Variants in SRRD observed in about 807,000 individuals in gnomAD.
The protein encoded by SRRD is SRR1-like protein.
In SRRD, 28 loss-of-function variants were observed where a neutral mutation model predicts 30.7. The observed-to-expected ratio is 0.91, with a 90% CI of 0.68 to 1.25. The LOEUF (loss-of-function observed/expected upper bound fraction) is 1.25. Ranked by LOEUF, SRRD falls within the 50% of genes most tolerant of loss-of-function variation. SRRD has a pLI of 0.00. For missense variants in SRRD, 415 were observed against 417.3 expected (o/e 0.99, Z 0.05); for synonymous variants, 161 against 159.6 (o/e 1.01, Z -0.07).
rs192906213 is a variant in SRRD, at chr22:26,490,001, T to C, written c.610-43T>C. The C allele has an allele frequency of 1.9e-4, 307 of 1,608,274 alleles. No homozygotes were observed. In the East Asian group the frequency reaches 5.4e-3, roughly 29 times the overall value. ...CTCTCCCTCACCTTGCTGTAAAGAA[T>C]AGGTTGTGGGCATGTTTACACCTGT... On this transcript the variant is annotated intron_variant, in intron 4 of 6. Coordinates refer to ENST00000215917, the MANE Select transcript of SRRD (RefSeq NM_001013694.3).
chr22:26,494,584 G>C lies in SRRD; in HGVS notation c.*2912G>C. 3 of 755,130 alleles carry C rather than the reference G, an allele frequency of 4.0e-6. No homozygotes were observed. Among genetic ancestry groups the C allele is most frequent in the Non-Finnish European group, 6.3e-6 (3 of 477,272 alleles). The allele number at this position is 755,130 out of a possible 1,614,324, so 46.8% of individuals were successfully genotyped here. On this transcript the variant is annotated 3_prime_UTR_variant, in exon 7 of 7. Transcript: ENST00000215917. Reference sequence around the variant, plus strand: ...CCCCATAGGGTTGCTGAGAGGAGCTGAGATAAAGCAAATAAAGTGCTTGGA... The same window carrying C: ...CCCCATAGGGTTGCTGAGAGGAGCTCAGATAAAGCAAATAAAGTGCTTGGA...
Position 26,488,092 on chromosome 22 carries a change from C to T in SRRD, c.314C>T (p.Ser105Leu). ...CTGAAGGCCCCTGTGGGGACTCTTT[C>T]AGACATCTTTGGAAACCTGCATCTT... is the stretch of plus-strand genomic sequence containing the variant. ...EQLKAPVGTLSDIFGNLHLDS... is the reference protein window; with the variant it reads ...EQLKAPVGTLLDIFGNLHLDS... Residue 105 changes from serine to leucine, a missense_variant, in exon 3 of 7, where the codon TCA (serine) becomes TTA (leucine). Transcript: ENST00000215917. The T allele has an allele frequency of 6.2e-7, 1 of 1,614,190 alleles. No homozygotes were observed. Among genetic ancestry groups the T allele is most frequent in the Non-Finnish European group, 8.5e-7 (1 of 1,180,016 alleles).
rs777527490 is a variant in SRRD at position 26,492,028 on chromosome 22, G to A, written c.*356G>A. ...CTGCCACAGTTCACTTGGCCATGTC[G>A]ATCAGGCTCTGCAGTGAGGTGGGCA... On this transcript the variant is annotated 3_prime_UTR_variant, in exon 7 of 7. Coordinates refer to ENST00000215917, the MANE Select transcript of SRRD (RefSeq NM_001013694.3). 1.9e-5 allele frequency: 31 copies of A among 1,599,350 alleles called. No individual in the cohort carries two copies. Among genetic ancestry groups the A allele is most frequent in the East Asian group, 1.1e-4 (5 of 43,884 alleles).
intron 2 of SRRD, among the ~76,000 whole-genome samples, chr22:26,487,725 A>G (rs1043306795): frequency 6.6e-6 from 1 of 152,210 alleles, no homozygotes; most frequent in African/African-American, 2.4e-5. Flanking sequence ...TTAAATTAGA[A>G]TGAGTTCACA....
At chr22:26,490,559 C>CTATTTTTT (rs1921025121) in intron 5 of SRRD, among the ~76,000 whole-genome samples, 1 of 51,834 alleles carries the variant, frequency 1.9e-5, no homozygotes, top group Non-Finnish European at 3.4e-5. Context: ...GGAATATTTG[C>CTATTTTTT]TTTTTTTTTT....
rs1439681825 is a variant in SRRD at position 26,493,637 on chromosome 22, AAC to A, written c.*1969_*1970del. 2.5e-5 allele frequency: 4 copies of A among 158,642 alleles called. No individual in the cohort carries two copies. The highest frequency in any genetic ancestry group is 5.6e-5 in the Non-Finnish European group (4 of 71,700). 9.8% of individuals were successfully genotyped at this position (158,642 alleles called of 1,614,324 possible). ...GAACAGTGAACTGCCTGTTTTTGAC[AAC>A]ACAGACACCACCTATTGAAGGCTAT... On this transcript the variant is annotated 3_prime_UTR_variant, in exon 7 of 7. Coordinates refer to ENST00000215917, the MANE Select transcript of SRRD (RefSeq NM_001013694.3).
chr22:26,488,514 A>C lies in SRRD; in HGVS notation c.609+26A>C, dbSNP rs759854094. On this transcript the variant is annotated intron_variant, in intron 4 of 6. Coordinates refer to ENST00000215917, the MANE Select transcript of SRRD (RefSeq NM_001013694.3). ...GTAAGTGGTTTAAAGGGGAGCAGAC[A>C]GAACTGTAAAAATCCTGACCAGACT... The C allele has an allele frequency of 1.9e-6, 3 of 1,571,540 alleles. No individual in the cohort carries two copies. In the African/African-American group the frequency reaches 4.0e-5, roughly 21 times the overall value.
rs779919109 is a variant in SRRD, at chr22:26,488,189, C to G, written c.411C>G (p.Cys137Trp). 2 of 1,614,192 alleles carry G rather than the reference C, an allele frequency of 1.2e-6. No individual in the cohort carries two copies. Among genetic ancestry groups the G allele is most frequent in the Non-Finnish European group, 1.7e-6 (2 of 1,180,030 alleles). Reference sequence around the variant, plus strand: ...GAGAGATCTTGGTCACAGGAACCTGCCATTTGAAGTGTGTGTGTTACGGCA... The same window carrying G: ...GAGAGATCTTGGTCACAGGAACCTGGCATTTGAAGTGTGTGTGTTACGGCA... ...IPREILVTGT[C>W]HLKCVCYGIG... Residue 137 changes from cysteine (C) to tryptophan (W), a missense_variant, in exon 3 of 7, where the codon TGC (cysteine) becomes TGG (tryptophan). Transcript: ENST00000215917.
Position 26,492,272 on chromosome 22 carries a change from C to T in SRRD, c.*600C>T, listed in dbSNP as rs758506991. 25 of 1,614,214 alleles carry T rather than the reference C, an allele frequency of 1.5e-5. No individual in the cohort carries two copies. In the East Asian group the frequency reaches 2.7e-4, roughly 17 times the overall value. On this transcript the variant is annotated 3_prime_UTR_variant, in exon 7 of 7. Coordinates refer to ENST00000215917, the MANE Select transcript of SRRD (RefSeq NM_001013694.3). ...CCTCTGAGCCATGTTCTCAGCCTCC[C>T]GCCTCTCCTGCATGGCCTCGTACTG...
At position 26,494,632 on chromosome 22, in the gene SRRD, T is replaced by C. The variant is rs1569156087; in HGVS notation, c.*2960T>C. 1.0e-6 allele frequency: 1 copy of C among 997,462 alleles called. No homozygotes were observed. The allele number at this position is 997,462 out of a possible 1,614,324, so 61.8% of individuals were successfully genotyped here. A position where few individuals can be genotyped will look rare whatever the true frequency, so the allele number is the denominator to read the frequency against. On this transcript the variant is annotated 3_prime_UTR_variant, in exon 7 of 7. Coordinates refer to ENST00000215917, the MANE Select transcript of SRRD (RefSeq NM_001013694.3). Reference sequence around the variant, plus strand: ...GGAACAGCTTCTGATACATGGCAAATGTCCAATAAATGGTGCCCACTATGA... The same window carrying C: ...GGAACAGCTTCTGATACATGGCAAACGTCCAATAAATGGTGCCCACTATGA...
At chr22:26,488,330 C>CTA in intron 3 of SRRD, 42 bp downstream of exon 3, 1 of 1,613,436 alleles carries the variant, frequency 6.2e-7, no homozygotes, top group African/African-American at 1.3e-5. Context: ...TCCTCTGGTC[C>CTA]TATACATGGG....
Position 26,491,560 on chromosome 22 carries a change from T to A in SRRD, c.908T>A (p.Leu303Gln). 6.2e-7 allele frequency: 1 copy of A among 1,614,158 alleles called. No individual in the cohort carries two copies. The highest frequency in any genetic ancestry group is 1.1e-5 in the South Asian group (1 of 91,080). Residue 303 changes from leucine to glutamine, a missense_variant, in exon 7 of 7, where the codon CTA becomes CAA. Transcript: ENST00000215917. ...TSVHWFPVQKLEQLSIDIWEF... is the reference protein window; with the variant it reads ...TSVHWFPVQKQEQLSIDIWEF... ...GTCCACTGGTTCCCTGTGCAAAAGC[T>A]AGAACAGCTCTCCATAGATATTTGG...
At position 26,494,550 on chromosome 22, in the gene SRRD, T is replaced by A. The variant is rs1602195490; in HGVS notation, c.*2878T>A. Reference sequence around the variant, plus strand: ...CCATGTCTACACAACAGGGATACCATATCCCCTACCCCATAGGGTTGCTGA... The same window carrying A: ...CCATGTCTACACAACAGGGATACCAAATCCCCTACCCCATAGGGTTGCTGA... On this transcript the variant is annotated 3_prime_UTR_variant, in exon 7 of 7. Coordinates refer to ENST00000215917, the MANE Select transcript of SRRD (RefSeq NM_001013694.3). 1.4e-6 allele frequency: 1 copy of A among 698,090 alleles called. No homozygotes were observed. Among genetic ancestry groups the A allele is most frequent in the African/African-American group, 1.8e-5 (1 of 55,712 alleles). 43.2% of individuals were successfully genotyped at this position (698,090 alleles called of 1,614,324 possible).
intron 4 of SRRD, 37 bp downstream of exon 4, chr22:26,488,525 A>T: frequency 6.6e-7 from 1 of 1,520,486 alleles, no homozygotes; most frequent in Non-Finnish European, 9.1e-7. Flanking sequence ...GAACTGTAAA[A>T]ATCCTGACCA....
Position 26,488,481 on chromosome 22 carries a change from A to G in SRRD, c.602A>G (p.Glu201Gly), listed in dbSNP as rs1569151547. 1 of 1,613,456 alleles carries G rather than the reference A, an allele frequency of 6.2e-7. No individual in the cohort carries two copies. The highest frequency in any genetic ancestry group is 1.7e-5 in the Admixed American group (1 of 60,034). Residue 201 changes from glutamate (E) to glycine (G), a missense_variant, in exon 4 of 7, where the codon GAG (glutamate) becomes GGG (glycine). Physicochemically the swap from Glu to Gly is moderately conservative, Grantham distance 98 (BLOSUM62 -2). Coordinates refer to ENST00000215917, the MANE Select transcript of SRRD (RefSeq NM_001013694.3). Reference sequence around the variant, plus strand: ...ACCCTTGGTGTGACTGTTCTCAGTGAGAACGAGGTAAGTGGTTTAAAGGGG... The same window carrying G: ...ACCCTTGGTGTGACTGTTCTCAGTGGGAACGAGGTAAGTGGTTTAAAGGGG... ...LNTLGVTVLS[E>G]NEEGKRSIRG...
chr22:26,491,242 A>C (rs1474826397), intron 6 of SRRD, 172 bp downstream of exon 6: 1 of 763,198 alleles, frequency 1.3e-6, no homozygotes, highest in Non-Finnish European at 2.1e-6. Flanking sequence ...TGCATCTCTT[A>C]GTTTTTTCCT....
At chr22:26,486,804 G>A (rs914866890) in intron 2 of SRRD, among the ~76,000 whole-genome samples, 2 of 151,780 alleles carry the variant, frequency 1.3e-5, no homozygotes, top group Non-Finnish European at 2.9e-5. Context: ...TGACCAACTT[G>A]ATATCTATTG....
In SRRD at chr22:26,488,370, A is replaced by G. The variant is rs2091724390; in HGVS notation, c.511-20A>G. The G allele has an allele frequency of 6.2e-7, 1 of 1,613,960 alleles. No individual in the cohort carries two copies. The highest frequency in any genetic ancestry group is 1.1e-5 in the South Asian group (1 of 91,074). On this transcript the variant is annotated intron_variant, in intron 3 of 6. Transcript: ENST00000215917. ...CACAGATGTTTGGGTTGAAGTAAAC[A>G]ACTCATTCTTCCCTTCTAGATTCCC...
chr22:26,489,964 C>T (rs536464420), intron 4 of SRRD, 80 bp from the exon 5 acceptor site: 2 of 1,506,382 alleles, frequency 1.3e-6, no homozygotes, highest in Admixed American at 1.8e-5. Context: ...TCATGATTAT[C>T]CCCATCCTTA....
Sources: allele counts gnomAD v4.1 joint callset (sites outside exome capture counted in the v4.1 genomes callset), GRCh38; gene constraint gnomAD v4.1.1; transcripts MANE v1.5; gene names NCBI Gene and HGNC (gene_info 2026-07-23, HGNC 2026-07-21).